TMPRSS9: variants seen among roughly 807,000 people sequenced by gnomAD.
TMPRSS9 encodes transmembrane serine protease 9, also known as transmembrane protease serine 9.
A neutral mutation model predicts 111.4 loss-of-function variants in TMPRSS9; 113 were observed. The observed-to-expected ratio is 1.01, with a 90% confidence interval of 0.87 to 1.19. The LOEUF is 1.19. TMPRSS9 is among the 50% of genes most tolerant of loss of function. The pLI, the probability that TMPRSS9 is intolerant of heterozygous loss-of-function variation, is 0.00. For synonymous variants in TMPRSS9, 805 were observed against 659.1 expected, an observed-to-expected ratio of 1.22 and a Z score of -3.39; for missense variants, 1,803 against 1,513.1, an observed-to-expected ratio of 1.19 and a Z score of -3.18.
intron 15 of TMPRSS9, among the ~76,000 whole-genome samples, chr19:2,424,795 C>T (rs1415495229): frequency 6.6e-6 from 1 of 152,032 alleles, no homozygotes; most frequent in East Asian, 1.9e-4. Flanking sequence ...CTTTTCAGAG[C>T]GCTCATATTA....
intron 8 of TMPRSS9, 73 bp from the exon 10 acceptor site, chr19:2,410,182 CCTT>C: frequency 6.3e-7 from 1 of 1,584,458 alleles, no homozygotes; most frequent in Non-Finnish European, 8.6e-7. Flanking sequence ...GAGGAGCTGT[CCTT>C]CAGCCTCCCA....
chr19:2,382,329 G>A (rs1970394532), intron 1 of TMPRSS9, among the ~76,000 whole-genome samples: 3 of 151,646 alleles, frequency 2.0e-5, no homozygotes, highest in Non-Finnish European at 2.9e-5. Context: ...ATGGGGTTTC[G>A]CCATGTTGGC....
chr19:2,414,008 T>G, exon 10 of TMPRSS9: 1 of 1,588,360 alleles, frequency 6.3e-7, no homozygotes, highest in Non-Finnish European at 8.6e-7. Flanking sequence ...TCACCGTTCC[T>G]AAGCTACAAG....
intron 1 of TMPRSS9, among the ~76,000 whole-genome samples, chr19:2,363,648 G>T (rs1450433338): frequency 6.6e-6 from 1 of 151,678 alleles, no homozygotes; most frequent in Non-Finnish European, 1.5e-5. Flanking sequence ...ACTGGGGCAG[G>T]GTTTAGAGCT....
At chr19:2,413,761 T>A (rs759315552) in exon 10 of TMPRSS9, 6 of 1,613,890 alleles carry the variant, frequency 3.7e-6, no homozygotes, top group Non-Finnish European at 5.1e-6. Flanking sequence ...CTGGCTGGCA[T>A]CGTGAGCTGG....
At position 2,424,222 on chromosome 19, in the gene TMPRSS9, G is replaced by GA. The variant is rs748364653; in HGVS notation, c.2683dup (p.Arg895LysfsTer148). Reference sequence around the variant, plus strand: ...GTTGCGGGGCCGTGCTGGTGGCAGAGAGGTGGCTGCTGTCGGCGGCGCACT... The same window carrying GA: ...GTTGCGGGGCCGTGCTGGTGGCAGAGAAGGTGGCTGCTGTCGGCGGCGCACT... On this transcript the variant is annotated frameshift_variant, in exon 15 of 18. Coordinates refer to ENST00000648592, the Ensembl canonical transcript of TMPRSS9. LOFTEE classifies it high-confidence loss of function. 50 of 1,432,362 alleles carry GA rather than the reference G, an allele frequency of 3.5e-5. No homozygotes were observed. The highest frequency in any genetic ancestry group is 3.9e-5 in the Non-Finnish European group (42 of 1,085,930). 88.7% of individuals were successfully genotyped at this position (1,432,362 alleles called of 1,614,324 possible).
Position 2,374,485 on chromosome 19 carries a change from G to A in TMPRSS9, c.-26+14125G>A, listed in dbSNP as rs529628450. On this transcript the variant is annotated intron_variant, in intron 1 of 17. Transcript: ENST00000649857. The stretch of plus-strand genomic sequence containing the variant: ...GCTACTTGGGAGACTGAGGCTAGAG[G>A]ATTGCTTGAACCTGGGAGGCGGAGG... 4.0e-5 allele frequency among the ~76,000 whole-genome samples: 6 copies of A among 151,766 alleles called. 1 individual carries two copies. The South Asian group carries it at 1.3e-3, about 32-fold the overall frequency.
At chr19:2,363,423 A>G (rs1204068986) in intron 1 of TMPRSS9, among the ~76,000 whole-genome samples, 1 of 150,648 alleles carries the variant, frequency 6.6e-6, no homozygotes, top group African/African-American at 2.4e-5. Flanking sequence ...TGGTAGATGG[A>G]TCGCAGGTGA....
At position 2,416,532 on chromosome 19, in the gene TMPRSS9, C is replaced by T. The variant is rs377116098; in HGVS notation, c.1746-6C>T. On this transcript the variant is annotated splice_region_variant and splice_polypyrimidine_tract_variant and intron_variant, in intron 11 of 17. Transcript: ENST00000648592. ...GCAGGCATGTCTGAGGGCCCTGTCT[C>T]CATAGCACGAAGGTGGAGCAGGTTC... The T allele has an allele frequency of 1.9e-5, 31 of 1,603,696 alleles. No individual in the cohort carries two copies. In the East Asian group the frequency reaches 2.7e-4, roughly 14 times the overall value.
intron 1 of TMPRSS9, among the ~76,000 whole-genome samples, chr19:2,361,619 G>A (rs927352057): frequency 2.0e-5 from 3 of 152,154 alleles, no homozygotes; most frequent in African/African-American, 7.2e-5. Flanking sequence ...ATCCCCGCAT[G>A]ACCGGGAATG....
At chr19:2,392,594 G>A (rs538024955) in intron 1 of TMPRSS9, among the ~76,000 whole-genome samples, 1 of 152,318 alleles carries the variant, frequency 6.6e-6, no homozygotes, top group Admixed American at 6.5e-5. Flanking sequence ...GGGCTCCTGA[G>A]TCGAGTGGGG....
At position 2,408,545 on chromosome 19, in the gene TMPRSS9, C is replaced by T. The variant is rs192837972; in HGVS notation, c.1032C>T (p.Pro344=). ...TGCCTTTCGGCCGGCACATCCAGCC[C>T]GTGTGCCTCCCGGCTGCCACACACA... The change falls in exon 8 of 18, where the codon CCC becomes CCT. Residue 344 remains proline (P), a synonymous_variant. Transcript: ENST00000648592. 2.4e-4 allele frequency: 389 copies of T among 1,613,732 alleles called. No individual in the cohort carries two copies. In the East Asian group the frequency reaches 7.2e-3, roughly 30 times the overall value.
intron 1 of TMPRSS9, among the ~76,000 whole-genome samples, chr19:2,365,576 CTG>C (rs1970241632): frequency 6.6e-6 from 1 of 151,392 alleles, no homozygotes; most frequent in African/African-American, 2.4e-5. Context: ...TGTCCGAAAA[CTG>C]TGATCATCTT....
intron 1 of TMPRSS9, among the ~76,000 whole-genome samples, chr19:2,380,731 C>A (rs1291851264): frequency 6.6e-6 from 1 of 152,148 alleles, no homozygotes; most frequent in Non-Finnish European, 1.5e-5. Context: ...AGAATCCTGA[C>A]CCCAGGAAGT....
intron 15 of TMPRSS9, 139 bp downstream of exon 16, chr19:2,424,396 C>G (rs1448828873): frequency 1.5e-5 from 14 of 945,738 alleles, no homozygotes; most frequent in Non-Finnish European, 1.9e-5. Context: ...CCCCAGGCCA[C>G]TCCTCCCACC....
intron 1 of TMPRSS9, among the ~76,000 whole-genome samples, chr19:2,366,796 G>A (rs1225324278): frequency 6.7e-6 from 1 of 148,426 alleles, no homozygotes; most frequent in Non-Finnish European, 1.5e-5. Flanking sequence ...GGTGGAGCTT[G>A]CAGTGAGCCA....
intron 4 of TMPRSS9, among the ~76,000 whole-genome samples, chr19:2,399,772 C>G (rs890062273): frequency 6.6e-6 from 1 of 151,716 alleles, no homozygotes; most frequent in Non-Finnish European, 1.5e-5. Context: ...GTCTGGAGTG[C>G]AATAATGAAG....
intron 10 of TMPRSS9, 115 bp downstream of exon 11, chr19:2,414,133 A>AC (rs1971166301): frequency 8.9e-7 from 1 of 1,119,168 alleles, no homozygotes; most frequent in African/African-American, 1.6e-5. Context: ...AGGAAAGGTC[A>AC]CATGTGTATC....
chr19:2,374,678 TA>T (rs888971154), intron 1 of TMPRSS9, among the ~76,000 whole-genome samples: 8 of 152,254 alleles, frequency 5.3e-5, no homozygotes, highest in Non-Finnish European at 1.2e-4. Context: ...GGGGAGCCCC[TA>T]ACCAGGCTTG....
Sources: allele counts gnomAD v4.1 joint callset (sites outside exome capture counted in the v4.1 genomes callset), GRCh38; gene constraint gnomAD v4.1.1; transcripts MANE v1.5; gene names NCBI Gene and HGNC (gene_info 2026-07-23, HGNC 2026-07-21).